GREB1L: variants seen among roughly 807,000 people sequenced by gnomAD.
GREB1L encodes GREB1 like retinoic acid receptor coactivator.
Under a neutral mutation model 200.8 loss-of-function variants are expected in GREB1L, and 17 were observed. The observed-to-expected ratio is 0.08, with a 90% CI of 0.06 to 0.13. GREB1L has a LOEUF of 0.13. Ranked by LOEUF, GREB1L falls within the 10% of genes least tolerant of loss-of-function variation. The probability of loss-of-function intolerance (pLI) is 1.00; values close to 1 mark genes in which losing one functional copy is unlikely to be tolerated. For missense variants in GREB1L, 1,657 were observed against 2,367.7 expected (o/e 0.70, Z 6.23); for synonymous variants, 789 against 893.0 (o/e 0.88, Z 2.08).
intron 6 of GREB1L, 38 bp downstream of exon 6, chr18:21,401,364 G>A (rs184293553): frequency 4.0e-5 from 60 of 1,492,192 alleles, no homozygotes; most frequent in Admixed American, 2.4e-4. Flanking sequence ...AGGGAATGGA[G>A]ATTTTACGGT....
chr18:21,454,278 C>T, intron 14 of GREB1L, 88 bp from the exon 15 acceptor site: 1 of 797,444 alleles, frequency 1.3e-6, no homozygotes, highest in Non-Finnish European at 2.1e-6. Flanking sequence ...ACATTACCGT[C>T]TGTGTGGTAT....
At chr18:21,367,609 A>G (rs1598701624) in intron 2 of GREB1L, among the ~76,000 whole-genome samples, 1 of 152,310 alleles carries the variant, frequency 6.6e-6, no homozygotes, top group Middle Eastern at 3.4e-3. Context: ...TCTAAAAAGT[A>G]ATATTTGAAT....
Position 21,452,810 on chromosome 18 carries a change from AG to A in GREB1L, c.1984+595del, listed in dbSNP as rs1401216202. Among the ~76,000 whole-genome samples, 5 of 152,340 alleles carry A rather than the reference AG, an allele frequency of 3.3e-5. No homozygotes were observed. The East Asian group carries it at 9.6e-4, about 29-fold the overall frequency. Reference sequence around the variant, plus strand: ...ATTCACTGATTGACAGGAATGACATAGGACAGGACAGAAAAAAGAACAGGAG... The same window carrying A: ...ATTCACTGATTGACAGGAATGACATAGACAGGACAGAAAAAAGAACAGGAG... On this transcript the variant is annotated intron_variant, in intron 14 of 32. Coordinates refer to ENST00000424526, the MANE Select transcript of GREB1L (RefSeq NM_001142966.3).
intron 1 of GREB1L, among the ~76,000 whole-genome samples, chr18:21,304,233 A>G (rs1171747470): frequency 6.6e-6 from 1 of 151,146 alleles, no homozygotes; most frequent in Non-Finnish European, 1.5e-5. Context: ...TATTATTATT[A>G]TTATTATTAT....
intron 11 of GREB1L, among the ~76,000 whole-genome samples, chr18:21,446,509 A>G (rs1383000865): frequency 6.6e-6 from 1 of 152,228 alleles, no homozygotes; most frequent in Non-Finnish European, 1.5e-5. Context: ...GACCTGCAGG[A>G]TCAGTTCTTT....
chr18:21,525,362 A>G lies in GREB1L; in HGVS notation c.*2541A>G, dbSNP rs2037667428. On this transcript the variant is annotated 3_prime_UTR_variant, in exon 33 of 33. Coordinates refer to ENST00000424526, the MANE Select transcript of GREB1L (RefSeq NM_001142966.3). ...AAAATTGTCTTGTGTCTACTGTTAT[A>G]TTTTTGTCCTTTGATTTAATTTGCT... is the stretch of plus-strand genomic sequence containing the variant. The G allele has an allele frequency of 6.6e-6, 1 of 152,012 alleles. No homozygotes were observed. Among genetic ancestry groups the G allele is most frequent in the Non-Finnish European group, 1.5e-5 (1 of 67,986 alleles). The allele number at this position is 152,012 out of a possible 1,614,324, so 9.4% of individuals were successfully genotyped here.
chr18:21,505,967 C>T lies in GREB1L; in HGVS notation c.4368+18C>T. The T allele has an allele frequency of 6.5e-7, 1 of 1,546,350 alleles. No homozygotes were observed. The highest frequency in any genetic ancestry group is 1.2e-5 in the South Asian group (1 of 83,268). On this transcript the variant is annotated intron_variant, in intron 25 of 32. Coordinates refer to ENST00000424526, the MANE Select transcript of GREB1L (RefSeq NM_001142966.3). ...CCTCCCAGGTACCATCCCACCTTCG[C>T]CCTCGCCCTCTGTCACCCAGTATGG...
At chr18:21,521,222 A>G (rs1484083131) in intron 32 of GREB1L, among the ~76,000 whole-genome samples, 1 of 151,692 alleles carries the variant, frequency 6.6e-6, no homozygotes, top group Non-Finnish European at 1.5e-5. Context: ...AAATAAATAC[A>G]AAATCAGCCG....
At chr18:21,374,006 CT>C (rs941886511) in intron 2 of GREB1L, among the ~76,000 whole-genome samples, 13 of 148,908 alleles carry the variant, frequency 8.7e-5, no homozygotes, top group Non-Finnish European at 4.5e-5. Context: ...TTCATTAGTT[CT>C]TTTTTTTTTC....
At chr18:21,515,339 A>G in intron 28 of GREB1L, 78 bp from the exon 29 acceptor site, 1 of 915,572 alleles carries the variant, frequency 1.1e-6, no homozygotes, top group Admixed American at 2.2e-5. Flanking sequence ...ACTGGTATAT[A>G]GTAGTGTGTA....
intron 1 of GREB1L, among the ~76,000 whole-genome samples, chr18:21,323,996 G>T (rs1268604985): frequency 6.6e-6 from 1 of 152,178 alleles, no homozygotes; most frequent in Non-Finnish European, 1.5e-5. Context: ...ATACAGAGTG[G>T]TATAATGGAC....
chr18:21,274,797 G>A (rs1223356757), intron 1 of GREB1L, among the ~76,000 whole-genome samples: 1 of 151,958 alleles, frequency 6.6e-6, no homozygotes, highest in Non-Finnish European at 1.5e-5. Flanking sequence ...TGATGTGGGA[G>A]GATCGCTTAA....
intron 7 of GREB1L, among the ~76,000 whole-genome samples, chr18:21,413,204 A>T (rs1396498678): frequency 1.3e-5 from 2 of 151,902 alleles, no homozygotes; most frequent in African/African-American, 2.4e-5. Flanking sequence ...GTGATCTGCC[A>T]CCCCCTAACC....
chr18:21,324,167 T>C (rs969800182), intron 1 of GREB1L, among the ~76,000 whole-genome samples: 2 of 152,202 alleles, frequency 1.3e-5, no homozygotes, highest in Admixed American at 1.3e-4. Flanking sequence ...GTTGGAAAAT[T>C]TGGGCATGTA....
intron 1 of GREB1L, among the ~76,000 whole-genome samples, chr18:21,280,301 A>G (rs1271366322): frequency 1.3e-5 from 2 of 152,136 alleles, no homozygotes; most frequent in African/African-American, 2.4e-5. Flanking sequence ...ATCAGATAGT[A>G]GGTAGGCTTT....
chr18:21,493,527 T>G (rs976209894), intron 19 of GREB1L, among the ~76,000 whole-genome samples: 1 of 152,046 alleles, frequency 6.6e-6, no homozygotes, highest in Non-Finnish European at 1.5e-5. Context: ...CTAGCTGTGG[T>G]TGGTCAAGAG....
At chr18:21,280,865 T>C (rs1319097846) in intron 1 of GREB1L, among the ~76,000 whole-genome samples, 2 of 152,204 alleles carry the variant, frequency 1.3e-5, no homozygotes, top group Admixed American at 1.3e-4. Flanking sequence ...ACTGTCAGTA[T>C]GTTAAGCATT....
chr18:21,281,564 A>G (rs1316720656), intron 1 of GREB1L, among the ~76,000 whole-genome samples: 1 of 152,242 alleles, frequency 6.6e-6, no homozygotes, highest in Non-Finnish European at 1.5e-5. Context: ...CTAATTGGCT[A>G]AAAACGTCAG....
At chr18:21,316,189 G>T (rs1208158122) in intron 1 of GREB1L, among the ~76,000 whole-genome samples, 1 of 152,108 alleles carries the variant, frequency 6.6e-6, no homozygotes, top group Non-Finnish European at 1.5e-5. Flanking sequence ...AAAACACAGG[G>T]TCCAGGGCAA....
Sources: gnomAD v4.1 joint callset for allele counts (sites outside exome capture counted in the v4.1 genomes callset) on GRCh38, gnomAD v4.1.1 for gene constraint, MANE v1.5 for transcripts, NCBI Gene and HGNC (gene_info 2026-07-23, HGNC 2026-07-21) for gene names.